The following NAV3 variants were observed in gnomAD, a reference collection of about 807,000 sequenced individuals.
NAV3 encodes neuron navigator 3.
NAV3 carries 87 observed loss-of-function variants against 244.7 expected under a neutral mutation model. The observed-to-expected ratio is 0.36, with a 90% CI of 0.30 to 0.42. The LOEUF (loss-of-function observed/expected upper bound fraction) is 0.42. Ranked by LOEUF, NAV3 falls within the 20% of genes least tolerant of loss-of-function variation. The pLI, the probability that NAV3 is intolerant of heterozygous loss-of-function variation, is 1.00. For synonymous variants in NAV3, 1,126 were observed against 1,042.2 expected (o/e 1.08, Z -1.55); for missense variants, 2,663 against 2,893.3 (o/e 0.92, Z 1.83).
intron 5 of NAV3, among the ~76,000 whole-genome samples, chr12:77,984,830 T>C (rs1361804046): frequency 6.6e-6 from 1 of 152,160 alleles, no homozygotes; most frequent in Admixed American, 6.5e-5. Context: ...TTTGTTTTTT[T>C]TTTCGAGACG....
chr12:77,605,513 TTAA>T (rs1870631744), intron 2 of NAV3, among the ~76,000 whole-genome samples: 1 of 152,136 alleles, frequency 6.6e-6, no homozygotes, highest in Admixed American at 6.5e-5. Flanking sequence ...TTTCAACACA[TTAA>T]TGTGTGTTGG....
chr12:77,978,458 T>C (rs1868910135), intron 5 of NAV3, among the ~76,000 whole-genome samples: 1 of 152,152 alleles, frequency 6.6e-6, no homozygotes, highest in Admixed American at 6.5e-5. Context: ...TCTTCTCAAA[T>C]AGAGCACTGA....
At chr12:77,966,185 A>T in intron 3 of NAV3, 44 bp from the exon 4 acceptor site, 1 of 1,532,886 alleles carries the variant, frequency 6.5e-7, no homozygotes, top group Non-Finnish European at 9.0e-7. Context: ...ATTTGTTAAA[A>T]TATAATCCTC....
intron 2 of NAV3, among the ~76,000 whole-genome samples, chr12:77,743,101 A>G (rs1189737672): frequency 6.6e-6 from 1 of 152,002 alleles, no homozygotes; most frequent in African/African-American, 2.4e-5. Flanking sequence ...CGGATGATTC[A>G]TCTTGTAAAC....
intron 5 of NAV3, among the ~76,000 whole-genome samples, chr12:77,969,933 C>T (rs1892858149): frequency 2.6e-5 from 4 of 152,184 alleles, no homozygotes; most frequent in Admixed American, 2.6e-4. Context: ...TGATTATAGA[C>T]TTTTATTACA....
intron 12 of NAV3, among the ~76,000 whole-genome samples, chr12:78,082,039 A>G (rs930940779): frequency 1.3e-5 from 2 of 152,148 alleles, no homozygotes; most frequent in Non-Finnish European, 2.9e-5. Context: ...AATCATGGGG[A>G]CAGGGCTTTC....
At chr12:77,635,293 C>T (rs1273206497) in intron 2 of NAV3, among the ~76,000 whole-genome samples, 1 of 151,962 alleles carries the variant, frequency 6.6e-6, no homozygotes, top group Non-Finnish European at 1.5e-5. Flanking sequence ...CTCCTGTGCT[C>T]AAGCAATCTC....
At chr12:77,772,401 A>C (rs1870139667) in intron 2 of NAV3, among the ~76,000 whole-genome samples, 1 of 152,200 alleles carries the variant, frequency 6.6e-6, no homozygotes, top group Non-Finnish European at 1.5e-5. Context: ...TAAATATTTT[A>C]TTAATAAACT....
chr12:77,651,846 T>C (rs987951347), intron 2 of NAV3, among the ~76,000 whole-genome samples: 5 of 152,158 alleles, frequency 3.3e-5, no homozygotes, highest in African/African-American at 9.7e-5. Flanking sequence ...CTGGGCTGGG[T>C]GTAGCAACAA....
At chr12:77,732,035 A>AAAAAC in intron 2 of NAV3, among the ~76,000 whole-genome samples, 1 of 152,074 alleles carries the variant, frequency 6.6e-6, no homozygotes, top group South Asian at 2.1e-4. Flanking sequence ...AAAATAAGGC[A>AAAAAC]AAAACAAAAC....
chr12:77,960,940 A>G (rs1455435296), intron 3 of NAV3, among the ~76,000 whole-genome samples: 1 of 146,828 alleles, frequency 6.8e-6, no homozygotes, highest in Non-Finnish European at 1.5e-5. Context: ...TTATGTGTAT[A>G]CATGCCTATG....
chr12:78,116,060 A>G (rs1566153621), intron 12 of NAV3, among the ~76,000 whole-genome samples: 1 of 152,234 alleles, frequency 6.6e-6, no homozygotes, highest in Non-Finnish European at 1.5e-5. Context: ...AGTCTGGGAA[A>G]GGAGAAGTCT....
intron 5 of NAV3, among the ~76,000 whole-genome samples, chr12:77,993,686 C>A (rs1043935104): frequency 1.4e-5 from 2 of 138,374 alleles, no homozygotes; most frequent in Non-Finnish European, 3.1e-5. Flanking sequence ...CATCATCATC[C>A]TAAGTAATCC....
intron 12 of NAV3, among the ~76,000 whole-genome samples, chr12:78,077,071 T>C (rs1361383334): frequency 6.6e-6 from 1 of 152,182 alleles, no homozygotes; most frequent in Non-Finnish European, 1.5e-5. Context: ...ATGTAATTTA[T>C]ATAAATATTT....
At chr12:77,711,119 G>A (rs1358680185) in intron 2 of NAV3, among the ~76,000 whole-genome samples, 2 of 152,146 alleles carry the variant, frequency 1.3e-5, no homozygotes, top group African/African-American at 4.8e-5. Flanking sequence ...AATCAACTCA[G>A]TACACAGCAA....
intron 1 of NAV3, among the ~76,000 whole-genome samples, chr12:77,873,744 G>GTGTGTGTGTATATATATATATA (rs776225440): frequency 1.5e-4 from 11 of 73,170 alleles, no homozygotes; most frequent in East Asian, 4.8e-4. Flanking sequence ...ATGTGTGTGT[G>GTGTGTGTGTATATATATATATA]TATATATATA....
At chr12:77,754,217 T>C (rs1226901409) in intron 2 of NAV3, among the ~76,000 whole-genome samples, 1 of 152,058 alleles carries the variant, frequency 6.6e-6, no homozygotes, top group Non-Finnish European at 1.5e-5. Context: ...TCTCAGGTGC[T>C]CCACTCTCCT....
intron 2 of NAV3, among the ~76,000 whole-genome samples, chr12:77,599,076 A>G (rs1246790264): frequency 2.0e-5 from 3 of 151,910 alleles, no homozygotes; most frequent in Non-Finnish European, 2.9e-5. Flanking sequence ...CTCTGCTTCT[A>G]TGAGTGTAAT....
intron 1 of NAV3, among the ~76,000 whole-genome samples, chr12:77,882,073 A>G (rs1882717065): frequency 6.6e-6 from 1 of 152,044 alleles, no homozygotes; most frequent in Non-Finnish European, 1.5e-5. Flanking sequence ...TAGAAAACAA[A>G]CTATTCTAAA....
Sources: allele counts gnomAD v4.1 joint callset (sites outside exome capture counted in the v4.1 genomes callset), GRCh38; gene constraint gnomAD v4.1.1; transcripts MANE v1.5; gene names NCBI Gene and HGNC (gene_info 2026-07-23, HGNC 2026-07-21).